The following NIPSNAP1 variants were observed in gnomAD, a reference collection of about 807,000 sequenced individuals.
The protein encoded by NIPSNAP1 is protein NipSnap homolog 1.
NIPSNAP1 carries 25 observed loss-of-function variants against 49.2 expected under a neutral mutation model. The ratio of observed to expected loss-of-function variants is 0.51; its 90% CI spans 0.37 to 0.71. The LOEUF (loss-of-function observed/expected upper bound fraction) is 0.71, where lower values mean the gene tolerates loss of function less well. Among genes scored for constraint, NIPSNAP1 ranks in the 30% least tolerant of loss-of-function variants. The pLI, the probability that NIPSNAP1 is intolerant of heterozygous loss-of-function variation, is 0.00. For synonymous variants in NIPSNAP1, 143 were observed against 140.7 expected, an observed-to-expected ratio of 1.02 and a Z score of -0.12; for missense variants, 294 against 361.0, an observed-to-expected ratio of 0.81 and a Z score of 1.50.
chr22:29,568,993 G>C (rs1009930553), intron 4 of NIPSNAP1, among the ~76,000 whole-genome samples, 200 bp downstream of exon 4: 2 of 152,160 alleles, frequency 1.3e-5, no homozygotes, highest in Admixed American at 6.5e-5. Context: ...GGCCGGGAAG[G>C]AGTCACAGGC....
At position 29,560,798 on chromosome 22, in the gene NIPSNAP1, G is replaced by A. The variant is rs758418702; in HGVS notation, c.642C>T (p.Asn214=). The A allele has an allele frequency of 1.2e-6, 2 of 1,613,962 alleles. No homozygotes were observed. ...WARAIKYRQE[N]QEAVGGFFSQ... ...AGAAGAAGCCGCCCACTGCCTCCTG[G>A]TTCTCCTGCCGGTACTTGATGGCCC... is the stretch of plus-strand genomic sequence containing the variant. Residue 214 remains asparagine, a synonymous_variant, in exon 8 of 10, where the codon AAC becomes AAT. Coordinates refer to ENST00000216121, the MANE Select transcript of NIPSNAP1 (RefSeq NM_003634.4).
Position 29,574,190 on chromosome 22 carries a change from C to G in NIPSNAP1, c.99-3658G>C, listed in dbSNP as rs546509464. Among the ~76,000 whole-genome samples, 3 of 131,036 alleles carry G rather than the reference C, an allele frequency of 2.3e-5. No homozygotes were observed. In the South Asian group the frequency reaches 8.2e-4, roughly 36 times the overall value. 86.0% of individuals were successfully genotyped at this position (131,036 alleles called of 152,430 possible). A position where few individuals can be genotyped will look rare whatever the true frequency, so the allele number is the denominator to read the frequency against. ...GGCAGAACTGCTTGAATCCAGGAGG[C>G]GGAGGCTGCAGTGAGCCAAGATCAC... On this transcript the variant is annotated intron_variant, in intron 1 of 9. Transcript: ENST00000216121.
chr22:29,571,196 C>A (rs1460448781), intron 1 of NIPSNAP1, among the ~76,000 whole-genome samples: 2 of 152,066 alleles, frequency 1.3e-5, no homozygotes, highest in Non-Finnish European at 2.9e-5. Flanking sequence ...GGCCTTGGGA[C>A]ACAATTATAG....
intron 4 of NIPSNAP1, among the ~76,000 whole-genome samples, chr22:29,568,900 A>C (rs1488348975): frequency 6.6e-6 from 1 of 152,226 alleles, no homozygotes; most frequent in East Asian, 1.9e-4. Context: ...CTAAAGAGTG[A>C]AACTGTCAAT....
rs1054548964 is a variant in NIPSNAP1 at position 29,558,809 on chromosome 22, C to T, written c.790+61G>A. ...AATCAAGAAAGACTAGATCTCCTTG[C>T]AGAGAGGATTCCATCCTCAGACAGG... On this transcript the variant is annotated intron_variant, in intron 9 of 9. Coordinates refer to ENST00000216121, the MANE Select transcript of NIPSNAP1 (RefSeq NM_003634.4). The T allele has an allele frequency of 9.1e-6, 11 of 1,213,256 alleles. No individual in the cohort carries two copies. The South Asian group carries it at 1.3e-4, about 15-fold the overall frequency. The allele number at this position is 1,213,256 out of a possible 1,614,324, so 75.2% of individuals were successfully genotyped here. A position where few individuals can be genotyped will look rare whatever the true frequency, so the allele number is the denominator to read the frequency against.
At chr22:29,579,783 AT>A (rs1261106298) in intron 1 of NIPSNAP1, 2 of 289,426 alleles carry the variant, frequency 6.9e-6, no homozygotes, top group Non-Finnish European at 1.4e-5. Flanking sequence ...GATTACTCCC[AT>A]TTTACAGATG....
At chr22:29,556,737 G>A (rs180931803) in intron 9 of NIPSNAP1, among the ~76,000 whole-genome samples, 4 of 152,018 alleles carry the variant, frequency 2.6e-5, no homozygotes, top group South Asian at 2.1e-4. Flanking sequence ...GGAAGCCTGC[G>A]ATTTGTTATT....
At chr22:29,567,507 T>G (rs749996959) in intron 4 of NIPSNAP1, among the ~76,000 whole-genome samples, 3 of 152,086 alleles carry the variant, frequency 2.0e-5, no homozygotes, top group Non-Finnish European at 4.4e-5. Context: ...CCAGCCCGCG[T>G]GGAGGAAATC....
chr22:29,556,610 C>A (rs73159028), intron 9 of NIPSNAP1, among the ~76,000 whole-genome samples: 137 of 152,296 alleles, frequency 9.0e-4, no homozygotes, highest in Non-Finnish European at 1.7e-3. Context: ...AGGTCAGCTC[C>A]AGGTCATCCA....
rs5763337 is a variant in NIPSNAP1 at position 29,566,029 on chromosome 22, C to T, written c.367+3164G>A. Among the ~76,000 whole-genome samples, 20 of 152,236 alleles carry T rather than the reference C, an allele frequency of 1.3e-4. No individual in the cohort carries two copies. The East Asian group carries it at 3.5e-3, about 26-fold the overall frequency. On this transcript the variant is annotated intron_variant, in intron 4 of 9. Transcript: ENST00000216121. ...TAGAGGACCATCTGTTATGGCTGTG[C>T]TATGCAGACACTCTAAACCAGTACT...
At chr22:29,558,763 G>A (rs2064313402) in intron 9 of NIPSNAP1, 107 bp downstream of exon 9, 2 of 860,520 alleles carry the variant, frequency 2.3e-6, no homozygotes, top group African/African-American at 3.3e-5. Flanking sequence ...TCTTAAAAGT[G>A]AGTTCCCCAT....
intron 9 of NIPSNAP1, among the ~76,000 whole-genome samples, chr22:29,557,438 T>A (rs559517624): frequency 3.3e-5 from 5 of 151,980 alleles, no homozygotes; most frequent in Middle Eastern, 3.4e-3. Context: ...TATTTTTATT[T>A]TTTATTTTTG....
chr22:29,570,536 C>T lies in NIPSNAP1; in HGVS notation c.99-4G>A, dbSNP rs1292497787. The T allele has an allele frequency of 1.9e-6, 3 of 1,612,866 alleles. No homozygotes were observed. Among genetic ancestry groups the T allele is most frequent in the Non-Finnish European group, 1.7e-6 (2 of 1,179,502 alleles). Reference sequence around the variant, plus strand: ...TTCATTGTCCTTGGAATAGAAACTGCAGGACAGAGGAGTTGAGGGGGACGC... The same window carrying T: ...TTCATTGTCCTTGGAATAGAAACTGTAGGACAGAGGAGTTGAGGGGGACGC... On this transcript the variant is annotated splice_polypyrimidine_tract_variant and splice_region_variant and intron_variant, in intron 1 of 9. Transcript: ENST00000216121.
At chr22:29,572,811 T>TAAA (rs1569248755) in intron 1 of NIPSNAP1, among the ~76,000 whole-genome samples, 2 of 111,452 alleles carry the variant, frequency 1.8e-5, no homozygotes, top group African/African-American at 5.4e-5. Flanking sequence ...AAAAATAAAA[T>TAAA]AAAATAAAAT....
intron 6 of NIPSNAP1, 134 bp downstream of exon 6, chr22:29,561,372 T>TGTGTGCAAACATGCACACCAG: frequency 7.0e-7 from 1 of 1,433,968 alleles, no homozygotes; most frequent in Non-Finnish European, 9.8e-7. Context: ...TTTGCACACA[T>TGTGTGCAAACATGCACACCAG]GTGTATACAA....
Position 29,581,073 on chromosome 22 carries a change from G to C in NIPSNAP1, c.10C>G (p.Arg4Gly). Reference protein sequence around the residue: MAPRLCSISVTARR... With the variant: MAPGLCSISVTARR... ...GCCGTCACAGAGATGCTGCACAGCC[G>C]CGGAGCCATGTTGGAGCCGCAAAGG... is the stretch of plus-strand genomic sequence containing the variant. Residue 4 changes from arginine to glycine, a missense_variant, in exon 1 of 10, where the codon CGG becomes GGG. Arg to Gly is a moderately radical substitution (Grantham distance 125). Coordinates refer to ENST00000216121, the MANE Select transcript of NIPSNAP1 (RefSeq NM_003634.4). 1 of 1,541,632 alleles carries C rather than the reference G, an allele frequency of 6.5e-7. No individual in the cohort carries two copies. Among genetic ancestry groups the C allele is most frequent in the South Asian group, 1.2e-5 (1 of 83,906 alleles).
chr22:29,576,717 A>G (rs1219315028), intron 1 of NIPSNAP1, among the ~76,000 whole-genome samples: 1 of 151,378 alleles, frequency 6.6e-6, no homozygotes, highest in Non-Finnish European at 1.5e-5. Context: ...CAAGGTCAGG[A>G]GTTCAAGACC....
rs757164009 is a variant in NIPSNAP1, at chr22:29,570,023, G to A, written c.272+139C>T. 6.7e-6 allele frequency: 5 copies of A among 747,710 alleles called. No individual in the cohort carries two copies. In the South Asian group the frequency reaches 7.7e-5, roughly 12 times the overall value. 46.3% of individuals were successfully genotyped at this position (747,710 alleles called of 1,614,324 possible). A position where few individuals can be genotyped will look rare whatever the true frequency, so the allele number is the denominator to read the frequency against. ...AGAAAGAGAGAAAGAAAGAAAGAAAGAAAAAGGCAGAAATAAAAGAAATCT... is the reference window on the plus strand; with the variant it reads ...AGAAAGAGAGAAAGAAAGAAAGAAAAAAAAAGGCAGAAATAAAAGAAATCT... On this transcript the variant is annotated intron_variant, in intron 3 of 9. Coordinates refer to ENST00000216121, the MANE Select transcript of NIPSNAP1 (RefSeq NM_003634.4).
intron 4 of NIPSNAP1, among the ~76,000 whole-genome samples, chr22:29,564,679 G>A (rs1286097989): frequency 2.6e-5 from 4 of 151,984 alleles, no homozygotes; most frequent in Admixed American, 2.6e-4. Flanking sequence ...CTCCCAAAGT[G>A]CTGGGATACA....
Sources: allele counts gnomAD v4.1 joint callset (sites outside exome capture counted in the v4.1 genomes callset), GRCh38; gene constraint gnomAD v4.1.1; transcripts MANE v1.5; gene names NCBI Gene and HGNC (gene_info 2026-07-23, HGNC 2026-07-21).